TNRC18: variants seen among roughly 807,000 people sequenced by gnomAD.
TNRC18 encodes the protein trinucleotide repeat containing 18.
TNRC18 carries 69 observed loss-of-function variants against 226.7 expected under a neutral mutation model. The ratio of observed to expected loss-of-function variants is 0.30; its 90% CI spans 0.25 to 0.37. The LOEUF is 0.37. TNRC18 is among the 10% of genes least tolerant of loss of function. TNRC18 has a pLI of 1.00. For synonymous variants in TNRC18, 2,449 were observed against 1,927.6 expected, an observed-to-expected ratio of 1.27 and a Z score of -7.09; for missense variants, 4,754 against 4,256.6, an observed-to-expected ratio of 1.12 and a Z score of -3.25.
intron 2 of TNRC18, among the ~76,000 whole-genome samples, chr7:5,415,317 T>TCAGAC (rs112409146): frequency 0.036 from 5,375 of 150,562 alleles, 309 homozygotes; most frequent in African/African-American, 0.12. Context: ...CCCTCACCTC[T>TCAGAC]CAGACCAGAC....
intron 2 of TNRC18, among the ~76,000 whole-genome samples, chr7:5,409,658 G>A (rs1457710408): frequency 6.6e-6 from 1 of 151,874 alleles, no homozygotes; most frequent in African/African-American, 2.4e-5. Flanking sequence ...AAATCTCCTA[G>A]AAAGAAGAAA....
In TNRC18 at chr7:5,307,697, G is replaced by A. The variant is rs188782957; in HGVS notation, c.*409C>T. The A allele has an allele frequency of 3.0e-5, 10 of 331,762 alleles. No individual in the cohort carries two copies. The highest frequency in any genetic ancestry group is 1.3e-4 in the African/African-American group (6 of 46,126). 20.6% of individuals were successfully genotyped at this position (331,762 alleles called of 1,614,324 possible). On this transcript the variant is annotated 3_prime_UTR_variant, in exon 30 of 30. Coordinates refer to ENST00000430969, the MANE Select transcript of TNRC18 (RefSeq NM_001080495.3). ...GGTGCTTGGGAAGCCCAGAGTGAGC[G>A]TCAGTTTGGTTCCTTAGAAGCGCCC...
intron 21 of TNRC18, among the ~76,000 whole-genome samples, chr7:5,322,697 T>TC (rs1183810537): frequency 2.0e-5 from 3 of 152,212 alleles, no homozygotes; most frequent in Admixed American, 1.3e-4. Flanking sequence ...CTCTGCTCCC[T>TC]CCCTCTCCCT....
chr7:5,371,453 C>A, intron 10 of TNRC18, 89 bp from the exon 11 acceptor site: 2 of 1,408,084 alleles, frequency 1.4e-6, no homozygotes, highest in Non-Finnish European at 1.9e-6. Flanking sequence ...CAGACAGAGA[C>A]CCAGGACGCA....
In TNRC18 at chr7:5,377,310, G is replaced by T; in HGVS notation, c.2461+61C>A. 7.1e-7 allele frequency: 1 copy of T among 1,401,644 alleles called. No individual in the cohort carries two copies. Among genetic ancestry groups the T allele is most frequent in the Non-Finnish European group, 9.6e-7 (1 of 1,046,928 alleles). The allele number at this position is 1,401,644 out of a possible 1,614,324, so 86.8% of individuals were successfully genotyped here. On this transcript the variant is annotated intron_variant, in intron 7 of 29. Coordinates refer to ENST00000430969, the MANE Select transcript of TNRC18 (RefSeq NM_001080495.3). This position sits in a 1 kb window ranked among gnomAD's most constrained non-coding sequence, Gnocchi z 5.8. ...GGAGCCAGCCCTGAGCTCTTGTCCT[G>T]CACCCGCCCCCTCCCACCCCTCCCT...
chr7:5,368,051 G>GA (rs61667235), intron 11 of TNRC18, among the ~76,000 whole-genome samples: 107,479 of 146,334 alleles, frequency 0.73, 39,661 homozygotes, highest in African/African-American at 0.88. Context: ...TTGCAACGGA[G>GA]AAAAAAAAAA....
At chr7:5,416,745 T>G (rs893132106) in intron 2 of TNRC18, among the ~76,000 whole-genome samples, 3 of 151,752 alleles carry the variant, frequency 2.0e-5, no homozygotes, top group East Asian at 3.9e-4. Context: ...TAATCCCAGC[T>G]ACTCAGGAGG....
chr7:5,417,084 G>C (rs1782239143), intron 2 of TNRC18, among the ~76,000 whole-genome samples: 1 of 151,450 alleles, frequency 6.6e-6, no homozygotes, highest in Non-Finnish European at 1.5e-5. Context: ...GAGGCCAGGA[G>C]TTTGAGGCTG....
chr7:5,359,596 G>A (rs1472421678), intron 14 of TNRC18, 27 bp from the exon 15 acceptor site: 1 of 1,612,168 alleles, frequency 6.2e-7, no homozygotes, highest in African/African-American at 1.3e-5. Flanking sequence ...CTGCCGGTCA[G>A]CACCCTGGCC....
At position 5,389,461 on chromosome 7, in the gene TNRC18, G is replaced by GTTTTTTTGTTTTTTTTTTTTTTTT. The variant is rs1554297477; in HGVS notation, c.488-126_488-125insAAAAAAAAAAAAAAAACAAAAAAA. 3.4e-4 allele frequency: 190 copies of GTTTTTTTGTTTTTTTTTTTTTTTT among 565,506 alleles called. 1 individual carries two copies. The African/African-American group carries it at 4.8e-3, about 14-fold the overall frequency. The allele number at this position is 565,506 out of a possible 1,614,324, so 35.0% of individuals were successfully genotyped here. ...TGCCTCCCCCAGTGTTTTGGTTTTGGTTTTTTTTTTCAGAAAGAGTCTCGC... is the reference window on the plus strand; with the variant it reads ...TGCCTCCCCCAGTGTTTTGGTTTTGGTTTTTTTGTTTTTTTTTTTTTTTTTTTTTTTTTTCAGAAAGAGTCTCGC... On this transcript the variant is annotated intron_variant, in intron 4 of 29. Coordinates refer to ENST00000430969, the MANE Select transcript of TNRC18 (RefSeq NM_001080495.3).
intron 10 of TNRC18, among the ~76,000 whole-genome samples, chr7:5,373,654 G>A (rs564719191): frequency 2.6e-5 from 4 of 152,248 alleles, no homozygotes; most frequent in Admixed American, 1.3e-4. Context: ...TGCAGAAGAC[G>A]GCAAGAGCGG....
intron 18 of TNRC18, among the ~76,000 whole-genome samples, chr7:5,336,549 C>T (rs1158096202): frequency 6.6e-6 from 1 of 151,484 alleles, no homozygotes; most frequent in Non-Finnish European, 1.5e-5. Flanking sequence ...CAAGACCAGC[C>T]TGGGCAACAT....
At position 5,309,060 on chromosome 7, in the gene TNRC18, C is replaced by T. The variant is rs1786917507; in HGVS notation, c.8625+72G>A. 6.6e-7 allele frequency: 1 copy of T among 1,507,616 alleles called. No homozygotes were observed. Among genetic ancestry groups the T allele is most frequent in the Non-Finnish European group, 9.0e-7 (1 of 1,108,856 alleles). 93.4% of individuals were successfully genotyped at this position (1,507,616 alleles called of 1,614,324 possible). A position where few individuals can be genotyped will look rare whatever the true frequency, so the allele number is the denominator to read the frequency against. On this transcript the variant is annotated intron_variant, in intron 28 of 29. Transcript: ENST00000430969. The surrounding 1 kb of genome is among the most constrained non-coding windows in gnomAD (Gnocchi z 5.7). The stretch of plus-strand genomic sequence containing the variant: ...GGCAGGGCTGCTGATGCTCCAGCAC[C>T]CAGAACGCCTCGCCCTCAGGTCTGC...
At position 5,330,965 on chromosome 7, in the gene TNRC18, G is replaced by A. The variant is rs370712932; in HGVS notation, c.6147+1657C>T. Among the ~76,000 whole-genome samples, 21 of 152,242 alleles carry A rather than the reference G, an allele frequency of 1.4e-4. No homozygotes were observed. The South Asian group carries it at 3.1e-3, about 23-fold the overall frequency. On this transcript the variant is annotated intron_variant, in intron 19 of 29. Coordinates refer to ENST00000430969, the MANE Select transcript of TNRC18 (RefSeq NM_001080495.3). ...GCTGGGATTACAGGTGTGTGCCACC[G>A]TGCCCGGCTGAATCATTATTATTAT... is the stretch of plus-strand genomic sequence containing the variant.
chr7:5,362,658 CCTT>C lies in TNRC18; in HGVS notation c.4384_4386del (p.Lys1462del). 6.4e-7 allele frequency: 1 copy of C among 1,574,468 alleles called. No homozygotes were observed. Among genetic ancestry groups the C allele is most frequent in the African/African-American group, 1.4e-5 (1 of 74,068 alleles). On this transcript the variant is annotated inframe_deletion, in exon 12 of 30. Transcript: ENST00000430969. ...AGCAGCCAGCCGCTCACCCGCTCCT[CCTT>C]CTTGCGCATCCAGCTGTACTTCTTG...
At chr7:5,420,693 G>C (rs1162069513) in intron 2 of TNRC18, 1 of 514,742 alleles carries the variant, frequency 1.9e-6, no homozygotes, top group Non-Finnish European at 3.8e-6. Context: ...CTCGGGGAGC[G>C]GGTGTCTCGC....
At chr7:5,389,607 A>AC in intron 4 of TNRC18, 1 of 260,782 alleles carries the variant, frequency 3.8e-6, no homozygotes. Context: ...GGCGCACCCC[A>AC]CCACGCACGG....
chr7:5,375,624 G>A (rs777855923), intron 9 of TNRC18, among the ~76,000 whole-genome samples: 2 of 152,134 alleles, frequency 1.3e-5, no homozygotes, highest in Non-Finnish European at 2.9e-5. Context: ...ATGCCGTCAG[G>A]AGGCAGCTGG....
rs1788689540 is a variant in TNRC18 at position 5,324,407 on chromosome 7, G to C, written c.6301-52C>G. On this transcript the variant is annotated intron_variant, in intron 20 of 29. Transcript: ENST00000430969. The surrounding 1 kb of genome is among the most constrained non-coding windows in gnomAD (Gnocchi z 4.8). The stretch of plus-strand genomic sequence containing the variant: ...GACTTAGGACCTGAACAGGGGTCCT[G>C]CCGGGTTGGGGACCCTCTCTGGAAA... 2 of 1,595,256 alleles carry C rather than the reference G, an allele frequency of 1.3e-6. No individual in the cohort carries two copies. The highest frequency in any genetic ancestry group is 2.2e-5 in the South Asian group (2 of 90,108).
Sources: gnomAD v4.1 joint callset for allele counts (sites outside exome capture counted in the v4.1 genomes callset) on GRCh38, gnomAD v4.1.1 for gene constraint, Gnocchi (gnomAD v3.1) non-coding constraint, MANE v1.5 for transcripts, NCBI Gene and HGNC (gene_info 2026-07-23, HGNC 2026-07-21) for gene names.